The following FRMPD3 variants were observed in gnomAD, a reference collection of about 807,000 sequenced individuals.
The protein encoded by FRMPD3 is FERM and PDZ domain-containing protein 3.
FRMPD3 carries 42 observed loss-of-function variants against 97.9 expected under a neutral mutation model. The observed-to-expected ratio is 0.43, with a 90% CI of 0.34 to 0.55. The LOEUF (loss-of-function observed/expected upper bound fraction) is 0.55, where lower values mean the gene tolerates loss of function less well. Among genes scored for constraint, FRMPD3 ranks in the 20% least tolerant of loss-of-function variants. The pLI, the probability that FRMPD3 is intolerant of heterozygous loss-of-function variation, is 0.03. For missense variants in FRMPD3, 1,303 were observed against 1,457.7 expected, an observed-to-expected ratio of 0.89 and a Z score of 1.73; for synonymous variants, 577 against 581.1, an observed-to-expected ratio of 0.99 and a Z score of 0.10.
intron 7 of FRMPD3, among the ~76,000 whole-genome samples, chrX:107,553,786 C>T (rs1305245830): frequency 9.0e-6 from 1 of 111,495 alleles, no homozygotes; most frequent in African/African-American, 3.3e-5. Context: ...TCCCTCACCC[C>T]CAAGCAACCC....
Position 107,603,731 on chromosome X carries a change from CT to C in FRMPD3, c.*359del. The C allele has an allele frequency of 1.2e-5, 2 of 161,621 alleles. No individual in the cohort carries two copies. Among genetic ancestry groups the C allele is most frequent in the Admixed American group, 7.2e-5 (1 of 13,977 alleles). 13.3% of individuals were successfully genotyped at this position (161,621 alleles called of 1,213,427 possible). A position where few individuals can be genotyped will look rare whatever the true frequency, so the allele number is the denominator to read the frequency against. On this transcript the variant is annotated 3_prime_UTR_variant, in exon 15 of 15. Coordinates refer to ENST00000683843, the MANE Select transcript of FRMPD3 (RefSeq NM_001388459.1). ...TGTTGGGCGCTGGGGGAGCCAGGGCCTGAAGCAAGCGGACCCTCAGGCTTTG... is the reference window on the plus strand; with the variant it reads ...TGTTGGGCGCTGGGGGAGCCAGGGCCGAAGCAAGCGGACCCTCAGGCTTTG...
chrX:107,578,897 C>T (rs759610499), intron 13 of FRMPD3, among the ~76,000 whole-genome samples: 44 of 111,261 alleles, frequency 4.0e-4, no homozygotes, highest in Non-Finnish European at 7.7e-4. Flanking sequence ...TTGGTGTGCA[C>T]ATTTTGTCTC....
chrX:107,580,414 T>G (rs188359277), intron 13 of FRMPD3, among the ~76,000 whole-genome samples: 1,775 of 112,123 alleles, frequency 0.016, 35 homozygotes, highest in Admixed American at 0.082. Flanking sequence ...GATCTGGAAG[T>G]CATGGTACCA....
chrX:107,500,797 G>T (rs745610529), intron 1 of FRMPD3, among the ~76,000 whole-genome samples: 7 of 82,320 alleles, frequency 8.5e-5, no homozygotes, highest in African/African-American at 3.6e-4. Flanking sequence ...GACAGAGTAA[G>T]ACTCTGTCAA....
intron 1 of FRMPD3, among the ~76,000 whole-genome samples, chrX:107,504,347 G>A (rs1312476186): frequency 8.9e-6 from 1 of 112,570 alleles, no homozygotes; most frequent in Non-Finnish European, 1.9e-5. Flanking sequence ...TTTCTGCTCT[G>A]CCATCAGTTC....
chrX:107,493,331 C>T (rs1383983446), intron 1 of FRMPD3, among the ~76,000 whole-genome samples: 1 of 111,132 alleles, frequency 9.0e-6, no homozygotes, highest in African/African-American at 3.3e-5. Flanking sequence ...CCCTCTTGCT[C>T]CCAATTAACT....
chrX:107,486,158 T>C, intron 1 of FRMPD3, among the ~76,000 whole-genome samples: 1 of 112,270 alleles, frequency 8.9e-6, no homozygotes, highest in Non-Finnish European at 1.9e-5. Context: ...CACGGTTGGA[T>C]GTGAAAAGAG....
At chrX:107,510,602 G>A (rs1922141323) in intron 1 of FRMPD3, among the ~76,000 whole-genome samples, 1 of 111,858 alleles carries the variant, frequency 8.9e-6, no homozygotes, top group Non-Finnish European at 1.9e-5. Context: ...TCTTGCCCTT[G>A]GTTTTTATTC....
rs778500168 is a variant in FRMPD3, at chrX:107,539,123, C to T, written c.297+5573C>T. 6.2e-5 allele frequency among the ~76,000 whole-genome samples: 7 copies of T among 112,086 alleles called. No individual in the cohort carries two copies. The South Asian group carries it at 1.9e-3, about 30-fold the overall frequency. ...TTGCCCTGACTCATTGAATTAGAAG[C>T]TCTGGAGATGAGGCCCTGGTATTGG... On this transcript the variant is annotated intron_variant, in intron 4 of 14. Transcript: ENST00000683843.
At chrX:107,459,124 A>T (rs1361062108) in intron 1 of FRMPD3, among the ~76,000 whole-genome samples, 1 of 112,221 alleles carries the variant, frequency 8.9e-6, no homozygotes, top group Non-Finnish European at 1.9e-5. Context: ...CCATGACCTG[A>T]AAGAGTGAGC....
chrX:107,526,942 C>G (rs1157007805), intron 2 of FRMPD3, among the ~76,000 whole-genome samples: 1 of 111,564 alleles, frequency 9.0e-6, no homozygotes, highest in Non-Finnish European at 1.9e-5. Flanking sequence ...GTTTGGGGCC[C>G]TAGAAAAAGG....
At chrX:107,554,527 A>G in intron 8 of FRMPD3, 23 bp downstream of exon 8, 1 of 1,198,420 alleles carries the variant, frequency 8.3e-7, no homozygotes, top group Non-Finnish European at 1.1e-6. Flanking sequence ...TTGGGGATAC[A>G]CAGACAGACC....
intron 1 of FRMPD3, among the ~76,000 whole-genome samples, chrX:107,475,664 T>C (rs1056215179): frequency 4.4e-5 from 5 of 112,382 alleles, no homozygotes; most frequent in African/African-American, 1.6e-4. Context: ...ATGGATTCTG[T>C]GTTTGATGAC....
intron 1 of FRMPD3, among the ~76,000 whole-genome samples, chrX:107,511,145 G>A (rs974980052): frequency 8.9e-6 from 1 of 112,039 alleles, no homozygotes; most frequent in Non-Finnish European, 1.9e-5. Context: ...GAGTCCCAAC[G>A]GAGCCAGACA....
chrX:107,571,932 A>G (rs1283387586), intron 12 of FRMPD3, among the ~76,000 whole-genome samples: 1 of 112,588 alleles, frequency 8.9e-6, no homozygotes, highest in Non-Finnish European at 1.9e-5. Flanking sequence ...ACACGCACAC[A>G]TTCACACTTA....
chrX:107,552,262 G>C (rs1921895972), intron 6 of FRMPD3, among the ~76,000 whole-genome samples: 1 of 111,771 alleles, frequency 8.9e-6, no homozygotes, highest in Non-Finnish European at 1.9e-5. Flanking sequence ...ATCCAGTTAT[G>C]GTCAAAAATG....
intron 1 of FRMPD3, among the ~76,000 whole-genome samples, chrX:107,460,631 A>T (rs1931454129): frequency 9.0e-6 from 1 of 111,210 alleles, no homozygotes; most frequent in South Asian, 3.8e-4. Context: ...AGCTCAAGCG[A>T]TCCTACCACC....
chrX:107,590,066 A>T (rs1243181383), intron 13 of FRMPD3, among the ~76,000 whole-genome samples: 1 of 112,425 alleles, frequency 8.9e-6, no homozygotes, highest in Admixed American at 9.4e-5. Flanking sequence ...GAGGCAGGGG[A>T]ATCGCTTGAA....
At chrX:107,591,037 G>A (rs1196888271) in intron 13 of FRMPD3, among the ~76,000 whole-genome samples, 2 of 111,705 alleles carry the variant, frequency 1.8e-5, no homozygotes, top group Non-Finnish European at 3.8e-5. Flanking sequence ...TTTTTCGGGG[G>A]TGAGGGAGGA....
Sources: allele counts gnomAD v4.1 joint callset (sites outside exome capture counted in the v4.1 genomes callset), GRCh38; gene constraint gnomAD v4.1.1; transcripts MANE v1.5; gene names NCBI Gene and HGNC (gene_info 2026-07-23, HGNC 2026-07-21).